The following SMG5 variants were observed in gnomAD, a reference collection of about 807,000 sequenced individuals.
The protein encoded by SMG5 is SMG5 nonsense mediated mRNA decay factor.
A neutral mutation model predicts 122.9 loss-of-function variants in SMG5; 53 were observed. That is an observed-to-expected ratio of 0.43 (90% CI 0.35 to 0.54). The LOEUF (loss-of-function observed/expected upper bound fraction) is 0.54. Ranked by LOEUF, SMG5 falls within the 20% of genes least tolerant of loss-of-function variation. SMG5 has a pLI of 0.01. For synonymous variants in SMG5, 477 were observed against 490.2 expected (o/e 0.97, Z 0.35); for missense variants, 1,153 against 1,285.6 (o/e 0.90, Z 1.58).
intron 16 of SMG5, among the ~76,000 whole-genome samples, chr1:156,255,714 C>T (rs1661548265): frequency 6.6e-6 from 1 of 151,996 alleles, no homozygotes; most frequent in East Asian, 1.9e-4. Context: ...AGCAAGATCA[C>T]ATTTCTACAA....
At chr1:156,277,311 T>C (rs1212770281) in intron 3 of SMG5, 70 bp from the exon 4 acceptor site, 4 of 1,508,098 alleles carry the variant, frequency 2.7e-6, no homozygotes, top group African/African-American at 2.7e-5. Context: ...TCCCTTACCC[T>C]GTTCATCTCA....
upstream of SMG5, among the ~76,000 whole-genome samples, chr1:156,283,684 C>A (rs142661706): frequency 2.6e-5 from 4 of 152,110 alleles, no homozygotes; most frequent in African/African-American, 9.7e-5. Flanking sequence ...ACATAAATTG[C>A]CCTTCTACCA....
chr1:156,253,070 C>G lies in SMG5; in HGVS notation c.2511G>C (p.Val837=). Residue 837 remains valine (V), a synonymous_variant, in exon 18 of 22, where the codon GTG becomes GTC. Transcript: ENST00000361813. ...GCTGCAGGCTGCCCTCCAGCTGAGA[C>G]ACTTCGAGCTGGTGAGAGAGGGCAA... is the stretch of plus-strand genomic sequence containing the variant. ...DMAQLRLQLE[V]SQLEGSLQQP... is the part of the protein sequence containing the mutation. 1 of 1,604,744 alleles carries G rather than the reference C, an allele frequency of 6.2e-7. No homozygotes were observed. The highest frequency in any genetic ancestry group is 8.5e-7 in the Non-Finnish European group (1 of 1,175,404).
chr1:156,287,606 C>CTTTTTT (rs745468403), upstream of SMG5, among the ~76,000 whole-genome samples: 3 of 72,660 alleles, frequency 4.1e-5, no homozygotes, highest in Non-Finnish European at 7.8e-5. Flanking sequence ...TTACTCTCCA[C>CTTTTTT]TTTTTTTTTT....
intron 5 of SMG5, among the ~76,000 whole-genome samples, 162 bp from the exon 6 acceptor site, chr1:156,273,612 G>A (rs1457371381): frequency 6.6e-6 from 1 of 152,014 alleles, no homozygotes; most frequent in Non-Finnish European, 1.5e-5. Context: ...TCCTAAATCT[G>A]CATGACTATG....
At chr1:156,285,909 G>A (rs200449813), upstream of SMG5, 100 of 1,582,206 alleles carry the variant, frequency 6.3e-5, no homozygotes, top group Non-Finnish European at 8.3e-5. Flanking sequence ...GATGTCCCAC[G>A]GCTGCCCACC....
At chr1:156,258,333 A>G (rs1002036665) in intron 16 of SMG5, among the ~76,000 whole-genome samples, 4 of 152,254 alleles carry the variant, frequency 2.6e-5, no homozygotes, top group African/African-American at 7.2e-5. Flanking sequence ...CTATCATTCC[A>G]TCTTCAAAAA....
At chr1:156,275,524 G>A (rs1662642871) in intron 4 of SMG5, among the ~76,000 whole-genome samples, 1 of 152,224 alleles carries the variant, frequency 6.6e-6, no homozygotes, top group Non-Finnish European at 1.5e-5. Flanking sequence ...TCACACAGCT[G>A]CTAAGCAGCA....
At chr1:156,286,027 G>C, upstream of SMG5, 1 of 1,570,354 alleles carries the variant, frequency 6.4e-7, no homozygotes, top group Non-Finnish European at 8.6e-7. Context: ...GTGGACTTGA[G>C]GAGGGCAGGG....
rs1661282215 is a variant in SMG5 at position 156,250,186 on chromosome 1, G to A, written c.*401C>T. On this transcript the variant is annotated 3_prime_UTR_variant, in exon 22 of 22. Coordinates refer to ENST00000361813, the MANE Select transcript of SMG5 (RefSeq NM_015327.3). ...CAAGACCTAGAGGGTCCAAACTCCTGGCCCCAACCACCCTGCATCTTGGGT... is the reference window on the plus strand; with the variant it reads ...CAAGACCTAGAGGGTCCAAACTCCTAGCCCCAACCACCCTGCATCTTGGGT... 1 of 350,176 alleles carries A rather than the reference G, an allele frequency of 2.9e-6. No homozygotes were observed. The highest frequency in any genetic ancestry group is 2.2e-5 in the South Asian group (1 of 45,316). 21.7% of individuals were successfully genotyped at this position (350,176 alleles called of 1,614,324 possible). A position where few individuals can be genotyped will look rare whatever the true frequency, so the allele number is the denominator to read the frequency against.
At chr1:156,276,933 TG>T in intron 4 of SMG5, 151 bp downstream of exon 4, 1 of 732,178 alleles carries the variant, frequency 1.4e-6, no homozygotes, top group Non-Finnish European at 2.2e-6. Context: ...TATGATTGTC[TG>T]GATAAATCCA....
rs1427179970 is a variant in SMG5 at position 156,274,695 on chromosome 1, CA to C, written c.455-10del. The stretch of plus-strand genomic sequence containing the variant: ...CACTGGCTTCTTGCATCCTATGAGA[CA>C]AAGAGAAAGAGATTTGTAGGCCCAT... On this transcript the variant is annotated splice_polypyrimidine_tract_variant and intron_variant, in intron 4 of 21. Coordinates refer to ENST00000361813, the MANE Select transcript of SMG5 (RefSeq NM_015327.3). 1.2e-6 allele frequency: 2 copies of C among 1,612,356 alleles called. No individual in the cohort carries two copies. Among genetic ancestry groups the C allele is most frequent in the Admixed American group, 3.3e-5 (2 of 59,980 alleles).
Position 156,266,100 on chromosome 1 carries a change from T to C in SMG5, c.1536A>G (p.Thr512=), listed in dbSNP as rs1284295744. The C allele has an allele frequency of 1.2e-6, 2 of 1,614,232 alleles. No individual in the cohort carries two copies. Among genetic ancestry groups the C allele is most frequent in the South Asian group, 2.2e-5 (2 of 91,080 alleles). ...ACTCCTGGCTATTCATTTCCGAGTCTGTTTCAGCATCAAAGGCCGTTCCCC... is the reference window on the plus strand; with the variant it reads ...ACTCCTGGCTATTCATTTCCGAGTCCGTTTCAGCATCAAAGGCCGTTCCCC... ...EGGGTAFDAE[T]DSEMNSQESR... is the part of the protein sequence containing the mutation. Residue 512 remains threonine (T), a synonymous_variant, in exon 12 of 22, where the codon ACA becomes ACG. Coordinates refer to ENST00000361813, the MANE Select transcript of SMG5 (RefSeq NM_015327.3).
rs1661225089 is a variant in SMG5 at position 156,249,675 on chromosome 1, T to G, written c.*912A>C. Reference sequence around the variant, plus strand: ...GCTTCAAGGAGCCTCTCCTTTCTGCTGCCCACTGAATGCCGGCCCCTTGTC... The same window carrying G: ...GCTTCAAGGAGCCTCTCCTTTCTGCGGCCCACTGAATGCCGGCCCCTTGTC... On this transcript the variant is annotated 3_prime_UTR_variant, in exon 22 of 22. Transcript: ENST00000361813. The G allele has an allele frequency of 2.2e-6, 1 of 459,238 alleles. No homozygotes were observed. The highest frequency in any genetic ancestry group is 1.6e-5 in the South Asian group (1 of 63,218). 28.4% of individuals were successfully genotyped at this position (459,238 alleles called of 1,614,324 possible). A position where few individuals can be genotyped will look rare whatever the true frequency, so the allele number is the denominator to read the frequency against.
In SMG5 at chr1:156,273,420, T is replaced by C; in HGVS notation, c.575A>G (p.Asp192Gly). 6.2e-7 allele frequency: 1 copy of C among 1,614,110 alleles called. No individual in the cohort carries two copies. Among genetic ancestry groups the C allele is most frequent in the Non-Finnish European group, 8.5e-7 (1 of 1,180,006 alleles). Residue 192 changes from aspartate to glycine, a missense_variant, in exon 6 of 22, where the codon GAT becomes GGT. This residue lies in a region of SMG5 where 85 missense variants were observed against 127.3 expected (regional missense o/e 0.67). Transcript: ENST00000361813. ...AAATCTCTCGGCTAGCAGCTCGGTA[T>C]CTACGCCAGCTAATTCATTCTGATA... ...SRYQNELAGV[D>G]TELLAERFYY...
intron 15 of SMG5, 38 bp from the exon 16 acceptor site, chr1:156,259,201 G>A: frequency 1.3e-6 from 2 of 1,525,416 alleles, no homozygotes; most frequent in Admixed American, 2.1e-5. Flanking sequence ...TGCTGAGCAG[G>A]GCCCTCTAGA....
the SMG5 span, chr1:156,291,309 C>A: frequency 7.2e-7 from 1 of 1,383,798 alleles, no homozygotes; most frequent in Non-Finnish European, 1.0e-6. Flanking sequence ...TATCTACTCC[C>A]CCCACCGTCA....
chr1:156,285,231 C>T (rs34671330), upstream of SMG5: 974 of 1,529,374 alleles, frequency 6.4e-4, 4 homozygotes, highest in African/African-American at 0.011. Flanking sequence ...CCCAGGATGA[C>T]AGAACAGGAG....
upstream of SMG5, among the ~76,000 whole-genome samples, chr1:156,283,351 C>T (rs900909386): frequency 6.6e-6 from 1 of 152,156 alleles, no homozygotes; most frequent in African/African-American, 2.4e-5. Flanking sequence ...GCTTGCATAT[C>T]TATCTCTTAC....
Sources: allele counts gnomAD v4.1 joint callset (sites outside exome capture counted in the v4.1 genomes callset), GRCh38; gene constraint gnomAD v4.1.1; regional missense constraint gnomAD v4.1.1; transcripts MANE v1.5; gene names NCBI Gene and HGNC (gene_info 2026-07-23, HGNC 2026-07-21).